The following RBFOX2 variants were observed in gnomAD, a reference collection of about 807,000 sequenced individuals.
The protein encoded by RBFOX2 is RNA binding protein fox-1 homolog 2.
Under a neutral mutation model 49.1 loss-of-function variants are expected in RBFOX2, and 10 were observed. The ratio of observed to expected loss-of-function variants is 0.20; its 90% confidence interval spans 0.13 to 0.35. The LOEUF is 0.35. RBFOX2 is among the 10% of genes least tolerant of loss of function. The pLI is 1.00. For missense variants in RBFOX2, 323 were observed against 486.9 expected, an observed-to-expected ratio of 0.66 and a Z score of 3.17; for synonymous variants, 183 against 187.4, an observed-to-expected ratio of 0.98 and a Z score of 0.19.
At chr22:35,971,855 A>T (rs922044384) in intron 1 of RBFOX2, among the ~76,000 whole-genome samples, 1 of 146,288 alleles carries the variant, frequency 6.8e-6, no homozygotes, top group African/African-American at 2.5e-5. Context: ...TAGCAGGCCC[A>T]TCTGGAATCA....
At chr22:35,943,846 A>G (rs2053962836), upstream of RBFOX2, among the ~76,000 whole-genome samples, 1 of 152,230 alleles carries the variant, frequency 6.6e-6, no homozygotes, top group African/African-American at 2.4e-5. Context: ...CAGAGCTTGC[A>G]GTGAGCCGAG....
At chr22:35,869,467 A>AC (rs1982907511) in intron 1 of RBFOX2, among the ~76,000 whole-genome samples, 2 of 118,870 alleles carry the variant, frequency 1.7e-5, no homozygotes, top group African/African-American at 6.8e-5. Flanking sequence ...CCAACGGCTG[A>AC]CCAAAAAAAA....
At chr22:35,818,683 G>C (rs957639096) in intron 1 of RBFOX2, among the ~76,000 whole-genome samples, 1 of 151,988 alleles carries the variant, frequency 6.6e-6, no homozygotes, top group Non-Finnish European at 1.5e-5. Flanking sequence ...CCTACTCAGG[G>C]GGCTGAGGTG....
intron 1 of RBFOX2, among the ~76,000 whole-genome samples, chr22:35,830,515 C>T (rs1395856653): frequency 3.3e-5 from 5 of 152,168 alleles, no homozygotes; most frequent in African/African-American, 9.7e-5. Flanking sequence ...TTTGTGTGAA[C>T]ATCACACAGT....
At chr22:35,829,438 C>T (rs1356530776) in intron 1 of RBFOX2, among the ~76,000 whole-genome samples, 2 of 151,568 alleles carry the variant, frequency 1.3e-5, no homozygotes, top group East Asian at 1.9e-4. Context: ...ATTCTAGAGA[C>T]GAAAGCTATA....
At chr22:35,960,200 C>G (rs2056044760) in intron 1 of RBFOX2, among the ~76,000 whole-genome samples, 1 of 152,130 alleles carries the variant, frequency 6.6e-6, no homozygotes, top group African/African-American at 2.4e-5. Context: ...ATAATCACAG[C>G]AAGCACTGAC....
intron 1 of RBFOX2, among the ~76,000 whole-genome samples, chr22:35,884,200 T>C (rs913767141): frequency 1.3e-5 from 2 of 152,016 alleles, no homozygotes; most frequent in African/African-American, 2.4e-5. Flanking sequence ...TTTTGCTATG[T>C]TGCCCAGGCT....
chr22:35,898,040 G>T, intron 1 of RBFOX2: 1 of 727,714 alleles, frequency 1.4e-6, no homozygotes. Flanking sequence ...ACATTGCTGT[G>T]TTCCACTACT....
At chr22:35,840,544 C>A (rs1283843582) in exon 1 of RBFOX2, 4 of 1,209,368 alleles carry the variant, frequency 3.3e-6, no homozygotes, top group East Asian at 8.4e-5. Flanking sequence ...CCCCTCCCAG[C>A]AGGCTGACAT....
intron 1 of RBFOX2, among the ~76,000 whole-genome samples, chr22:36,006,494 A>G (rs2058623465): frequency 6.6e-6 from 1 of 152,190 alleles, no homozygotes; most frequent in African/African-American, 2.4e-5. Flanking sequence ...TCCTTAATGA[A>G]CAAAGACTAT....
At chr22:35,847,879 A>C (rs2041417900) in intron 1 of RBFOX2, among the ~76,000 whole-genome samples, 1 of 152,156 alleles carries the variant, frequency 6.6e-6, no homozygotes, top group Non-Finnish European at 1.5e-5. Flanking sequence ...TCATCTTATT[A>C]TGAATATTGA....
intron 1 of RBFOX2, among the ~76,000 whole-genome samples, chr22:35,893,341 C>T (rs758855256): frequency 1.3e-5 from 2 of 152,158 alleles, no homozygotes; most frequent in South Asian, 2.1e-4. Context: ...GATAAATACA[C>T]AAGTAACTGT....
chr22:36,021,676 C>T (rs929808494), intron 1 of RBFOX2, among the ~76,000 whole-genome samples: 64 of 152,220 alleles, frequency 4.2e-4, no homozygotes, highest in Admixed American at 4.1e-3. Context: ...TGGCTGACTG[C>T]TCATTCTCTT....
chr22:35,745,443 C>A (rs76926354), intron 11 of RBFOX2, among the ~76,000 whole-genome samples: 1 of 152,184 alleles, frequency 6.6e-6, no homozygotes, highest in Non-Finnish European at 1.5e-5. Flanking sequence ...TCCTATAAAG[C>A]ATTCACTTAG....
chr22:35,843,444 T>TTTTA (rs2040769256), upstream of RBFOX2, among the ~76,000 whole-genome samples: 1 of 30,362 alleles, frequency 3.3e-5, no homozygotes, highest in Non-Finnish European at 5.5e-5. Context: ...GTCTCAACTC[T>TTTTA]TTGAGTGTTT....
chr22:35,831,862 G>A (rs765386268), intron 1 of RBFOX2, among the ~76,000 whole-genome samples: 44 of 152,274 alleles, frequency 2.9e-4, no homozygotes, highest in Non-Finnish European at 5.4e-4. Context: ...AATAATTATT[G>A]ACTTCCATTA....
intron 1 of RBFOX2, among the ~76,000 whole-genome samples, chr22:35,955,640 G>T (rs977446594): frequency 6.6e-6 from 1 of 152,036 alleles, no homozygotes; most frequent in Non-Finnish European, 1.5e-5. Context: ...TCCCTCGCAC[G>T]CGCAGTTCAC....
chr22:35,962,194 T>C (rs1303010713), upstream of RBFOX2, among the ~76,000 whole-genome samples: 1 of 152,234 alleles, frequency 6.6e-6, no homozygotes, highest in Non-Finnish European at 1.5e-5. Context: ...GATGGAATTC[T>C]CCTGCTATTT....
At chr22:35,957,377 G>GA (rs2055691858) in intron 1 of RBFOX2, among the ~76,000 whole-genome samples, 1 of 152,072 alleles carries the variant, frequency 6.6e-6, no homozygotes, top group African/African-American at 2.4e-5. Context: ...ACTAGTACAG[G>GA]ACCACAGATT....
Sources: allele counts gnomAD v4.1 joint callset (sites outside exome capture counted in the v4.1 genomes callset), GRCh38; gene constraint gnomAD v4.1.1; transcripts MANE v1.5; gene names NCBI Gene and HGNC (gene_info 2026-07-23, HGNC 2026-07-21).